XPA: variants seen among roughly 807,000 people sequenced by gnomAD.
XPA encodes the protein DNA repair protein complementing XP-A cells.
XPA carries 27 observed loss-of-function variants against 35.7 expected under a neutral mutation model. The ratio of observed to expected loss-of-function variants is 0.76; its 90% CI spans 0.56 to 1.04. The LOEUF (loss-of-function observed/expected upper bound fraction) is 1.04. Ranked by LOEUF, XPA falls within the 50% of genes least tolerant of loss-of-function variation. The pLI is 0.00. For missense variants in XPA, 354 were observed against 342.7 expected (o/e 1.03, Z -0.26); for synonymous variants, 133 against 118.4 (o/e 1.12, Z -0.80).
rs1210869757 is a variant in XPA, at chr9:97,674,925, CAA to C, written c.*512_*513del. 1.2e-5 allele frequency: 6 copies of C among 511,950 alleles called. No individual in the cohort carries two copies. In the Admixed American group the frequency reaches 1.4e-4, roughly 12 times the overall value. The allele number at this position is 511,950 out of a possible 1,614,324, so 31.7% of individuals were successfully genotyped here. ...AAAACATGATCAGACTCGTACAACT[CAA>C]TGTTTATTTCTGCTATTAGGGCTTT... is the stretch of plus-strand genomic sequence containing the variant. On this transcript the variant is annotated 3_prime_UTR_variant, in exon 6 of 6. Coordinates refer to ENST00000375128, the MANE Select transcript of XPA (RefSeq NM_000380.4).
Position 97,675,399 on chromosome 9 carries a change from A to C in XPA, c.*40T>G. ...GGACCAATCTAAATTTCCTTTATTTAAATATAAAATTCTATAAAACAGGTC... is the reference window on the plus strand; with the variant it reads ...GGACCAATCTAAATTTCCTTTATTTCAATATAAAATTCTATAAAACAGGTC... On this transcript the variant is annotated 3_prime_UTR_variant, in exon 6 of 6. Transcript: ENST00000375128. 6.4e-7 allele frequency: 1 copy of C among 1,568,486 alleles called. No individual in the cohort carries two copies. The highest frequency in any genetic ancestry group is 8.6e-7 in the Non-Finnish European group (1 of 1,160,720).
At chr9:97,668,529 T>C in the XPA span, among the ~76,000 whole-genome samples, 1 of 152,174 alleles carries the variant, frequency 6.6e-6, no homozygotes, top group Non-Finnish European at 1.5e-5. Context: ...GCAAGCTGTC[T>C]CCCTGTTGTT....
downstream of XPA, among the ~76,000 whole-genome samples, chr9:97,670,667 A>G (rs1186212041): frequency 6.6e-6 from 1 of 152,218 alleles, no homozygotes; most frequent in Admixed American, 6.5e-5. Context: ...AGAGGAACAC[A>G]TAGACAAGAG....
chr9:97,662,213 A>G, the XPA span: 2 of 1,116,408 alleles, frequency 1.8e-6, no homozygotes, highest in Admixed American at 3.5e-5. Flanking sequence ...TGGTATGGTA[A>G]TTTTTACCTA....
downstream of XPA, among the ~76,000 whole-genome samples, chr9:97,670,782 G>A (rs73500326): frequency 0.12 from 17,719 of 152,150 alleles, 2,908 homozygotes; most frequent in African/African-American, 0.36. Context: ...GCTGAGCCTA[G>A]TCCGTAATAG....
chr9:97,688,349 C>T (rs765804442), intron 3 of XPA, among the ~76,000 whole-genome samples: 24 of 152,150 alleles, frequency 1.6e-4, no homozygotes, highest in South Asian at 2.1e-4. Flanking sequence ...CTTCACTAAT[C>T]GCATGTCCCT....
At chr9:97,684,064 G>T (rs945688930) in intron 5 of XPA, among the ~76,000 whole-genome samples, 25 of 152,110 alleles carry the variant, frequency 1.6e-4, no homozygotes, top group African/African-American at 6.0e-4. Flanking sequence ...GACTCTTTTA[G>T]GGATTCTGTG....
chr9:97,664,589 A>G, the XPA span: 3 of 549,208 alleles, frequency 5.5e-6, no homozygotes, highest in Admixed American at 9.2e-5. Flanking sequence ...CATGGCAAAA[A>G]TTCCTAGACA....
At chr9:97,660,885 T>G in the XPA span, 1 of 1,526,206 alleles carries the variant, frequency 6.6e-7, no homozygotes, top group Non-Finnish European at 8.8e-7. Flanking sequence ...TATTTAACTG[T>G]TCATTAGAAT....
chr9:97,697,077 G>C (rs1829071716), intron 1 of XPA, 44 bp downstream of exon 1: 2 of 1,505,192 alleles, frequency 1.3e-6, no homozygotes, highest in South Asian at 2.6e-5. Context: ...TGGGGACCGG[G>C]GAGGCGGGGA....
rs371262559 is a variant in XPA, at chr9:97,675,472, C to T, written c.789G>A (p.Met263Ile). Residue 263 changes from methionine to isoleucine, a missense_variant, in exon 6 of 6, where the codon ATG (methionine) becomes ATA (isoleucine). Physicochemically the swap from Met to Ile is conservative, Grantham distance 10 (BLOSUM62 1). Transcript: ENST00000375128. ...EDDMYRKTCT[M>I]CGHELTYEKM ...TTTCATATGTCAGTTCATGGCCACA[C>T]ATAGTACAAGTCTTACGGTACATGT... 65 of 1,613,628 alleles carry T rather than the reference C, an allele frequency of 4.0e-5. No homozygotes were observed. The highest frequency in any genetic ancestry group is 5.0e-5 in the Non-Finnish European group (59 of 1,179,926).
At chr9:97,678,418 TA>T (rs1828436244) in intron 5 of XPA, among the ~76,000 whole-genome samples, 1 of 151,310 alleles carries the variant, frequency 6.6e-6, no homozygotes, top group South Asian at 2.1e-4. Flanking sequence ...AATAAGTAAA[TA>T]AAAAAAGTAA....
At chr9:97,662,244 C>G in the XPA span, 1 of 859,644 alleles carries the variant, frequency 1.2e-6, no homozygotes, top group Non-Finnish European at 1.9e-6. Flanking sequence ...ATATGAAGAT[C>G]TTAATAGTGT....
downstream of XPA, among the ~76,000 whole-genome samples, chr9:97,670,342 G>C (rs1368643353): frequency 6.6e-6 from 1 of 152,220 alleles, no homozygotes; most frequent in Non-Finnish European, 1.5e-5. Flanking sequence ...CAATGTGCAG[G>C]TGGTAAACTG....
At chr9:97,686,421 C>T (rs1440282995) in intron 4 of XPA, among the ~76,000 whole-genome samples, 1 of 152,128 alleles carries the variant, frequency 6.6e-6, no homozygotes, top group Non-Finnish European at 1.5e-5. Context: ...TATGGACACT[C>T]GCTAGCATTC....
chr9:97,671,525 A>G (rs1375039450), downstream of XPA: 1 of 237,054 alleles, frequency 4.2e-6, no homozygotes, highest in East Asian at 1.2e-4. Flanking sequence ...TCAACCTTAC[A>G]TAGTATATAG....
chr9:97,684,579 G>T (rs1360864795), intron 5 of XPA, among the ~76,000 whole-genome samples: 2 of 152,102 alleles, frequency 1.3e-5, no homozygotes, highest in African/African-American at 2.4e-5. Context: ...GGGGATTGTT[G>T]GTAGGTGTGT....
chr9:97,670,002 A>C (rs1457175848), downstream of XPA: 2 of 421,146 alleles, frequency 4.7e-6, no homozygotes, highest in Non-Finnish European at 8.8e-6. Flanking sequence ...AGCTCACTGC[A>C]ACCTCCACCT....
At chr9:97,678,730 T>C (rs1828448355) in intron 5 of XPA, among the ~76,000 whole-genome samples, 1 of 152,160 alleles carries the variant, frequency 6.6e-6, no homozygotes, top group Non-Finnish European at 1.5e-5. Flanking sequence ...TTCTTTTTGC[T>C]TATCAAATCA....
Sources: allele counts gnomAD v4.1 joint callset (sites outside exome capture counted in the v4.1 genomes callset), GRCh38; gene constraint gnomAD v4.1.1; transcripts MANE v1.5; gene names NCBI Gene and HGNC (gene_info 2026-07-23, HGNC 2026-07-21).